STK32A: variants seen among roughly 807,000 people sequenced by gnomAD.
STK32A encodes the protein serine/threonine-protein kinase 32A.
In STK32A, 41 loss-of-function variants were observed where a neutral mutation model predicts 53.2. The ratio of observed to expected loss-of-function variants is 0.77; its 90% CI spans 0.60 to 1.00. STK32A has a LOEUF of 1.00. Among genes scored for constraint, STK32A ranks in the 50% least tolerant of loss-of-function variants. The probability of loss-of-function intolerance (pLI) is 0.00; values close to 1 mark genes in which losing one functional copy is unlikely to be tolerated. For missense variants in STK32A, 458 were observed against 485.8 expected (o/e 0.94, Z 0.54); for synonymous variants, 166 against 162.8 (o/e 1.02, Z -0.15).
At chr5:147,393,326 G>T in the STK32A span, 1 of 152,286 alleles carries the variant, frequency 6.6e-6, no homozygotes, top group Non-Finnish European at 1.5e-5. Context: ...CACTAAGAAA[G>T]AGGCCTGAGC....
intron 4 of STK32A, among the ~76,000 whole-genome samples, chr5:147,292,481 T>C (rs1446841828): frequency 2.6e-5 from 4 of 152,216 alleles, no homozygotes; most frequent in African/African-American, 9.7e-5. Flanking sequence ...TACTTAATTG[T>C]TGTAAGCTCT....
chr5:147,395,892 G>A, the STK32A span, among the ~76,000 whole-genome samples: 6 of 152,146 alleles, frequency 3.9e-5, 1 homozygote, highest in Admixed American at 6.5e-5. Context: ...AGGAGGATGT[G>A]ATGATAGAGT....
rs778055211 is a variant in STK32A, at chr5:147,324,079, A to G, written c.434+8A>G. 2.5e-6 allele frequency: 4 copies of G among 1,594,048 alleles called. No homozygotes were observed. In the South Asian group the frequency reaches 4.6e-5, roughly 18 times the overall value. Reference sequence around the variant, plus strand: ...CCAGCGCATCATTCACAGGTCAGTCAAGTCCAAGGAGATGGCCATGAACGT... The same window carrying G: ...CCAGCGCATCATTCACAGGTCAGTCGAGTCCAAGGAGATGGCCATGAACGT... On this transcript the variant is annotated splice_region_variant and intron_variant, in intron 5 of 12. Coordinates refer to ENST00000397936, the MANE Select transcript of STK32A (RefSeq NM_001112724.2).
At chr5:147,369,687 C>T (rs1756921596) in intron 8 of STK32A, among the ~76,000 whole-genome samples, 1 of 152,164 alleles carries the variant, frequency 6.6e-6, no homozygotes, top group African/African-American at 2.4e-5. Flanking sequence ...TTAGGTCATC[C>T]ATCAACAGTC....
At chr5:147,298,228 A>T (rs1031034253) in intron 4 of STK32A, among the ~76,000 whole-genome samples, 4 of 152,176 alleles carry the variant, frequency 2.6e-5, no homozygotes, top group Admixed American at 2.6e-4. Flanking sequence ...GAGCAGTTAG[A>T]GGTGAAAGAG....
At chr5:147,317,844 GACA>G (rs1754084024) in intron 4 of STK32A, among the ~76,000 whole-genome samples, 1 of 152,052 alleles carries the variant, frequency 6.6e-6, no homozygotes. Flanking sequence ...AGGATCTCAG[GACA>G]ACTACTAGCC....
At chr5:147,294,688 CT>C (rs143462769) in intron 4 of STK32A, among the ~76,000 whole-genome samples, 21,763 of 148,540 alleles carry the variant, frequency 0.15, 2,078 homozygotes, top group South Asian at 0.38. Flanking sequence ...TTTCTTTTTT[CT>C]TTTTTTCTTT....
chr5:147,364,213 CT>C (rs1756643704), intron 8 of STK32A, among the ~76,000 whole-genome samples: 1 of 114,510 alleles, frequency 8.7e-6, no homozygotes, highest in Admixed American at 9.2e-5. Context: ...GAAACTCCAT[CT>C]CAAAAAAAAA....
chr5:147,359,971 T>C (rs1047321035), intron 7 of STK32A, among the ~76,000 whole-genome samples: 2 of 152,288 alleles, frequency 1.3e-5, no homozygotes, highest in Admixed American at 6.5e-5. Flanking sequence ...CAGTTTCCTT[T>C]GCCCAGAGCC....
At chr5:147,338,254 T>C (rs967279709) in intron 5 of STK32A, among the ~76,000 whole-genome samples, 3 of 152,074 alleles carry the variant, frequency 2.0e-5, no homozygotes, top group Non-Finnish European at 4.4e-5. Flanking sequence ...TCTCATGAGA[T>C]ATGATGGTTT....
intron 4 of STK32A, among the ~76,000 whole-genome samples, chr5:147,313,655 G>A (rs1370262927): frequency 1.3e-5 from 2 of 152,130 alleles, no homozygotes; most frequent in Non-Finnish European, 2.9e-5. Context: ...AAAGTTGGAG[G>A]GCTCATACTT....
chr5:147,387,060 C>T lies in STK32A; in HGVS notation c.*3077C>T, dbSNP rs1401686706. On this transcript the variant is annotated 3_prime_UTR_variant, in exon 13 of 13. Coordinates refer to ENST00000397936, the MANE Select transcript of STK32A (RefSeq NM_001112724.2). ...GCCTGGTATTCTTGAATGTTTTTCT[C>T]CCAGTGCTTCCCTTGCCTGTATGGA... is the stretch of plus-strand genomic sequence containing the variant. The T allele has an allele frequency of 6.6e-6, 1 of 152,202 alleles. No individual in the cohort carries two copies. Among genetic ancestry groups the T allele is most frequent in the Non-Finnish European group, 1.5e-5 (1 of 68,054 alleles). The allele number at this position is 152,202 out of a possible 1,614,324, so 9.4% of individuals were successfully genotyped here. A position where few individuals can be genotyped will look rare whatever the true frequency, so the allele number is the denominator to read the frequency against.
chr5:147,369,776 G>T (rs937112417), intron 8 of STK32A, among the ~76,000 whole-genome samples: 1 of 152,060 alleles, frequency 6.6e-6, no homozygotes, highest in East Asian at 1.9e-4. Flanking sequence ...CTAGTTAATC[G>T]AATATGGAAA....
chr5:147,401,914 G>A, the STK32A span: 2 of 447,432 alleles, frequency 4.5e-6, no homozygotes, highest in Admixed American at 9.0e-5. Flanking sequence ...GCCATTGGTT[G>A]TTAGATGCAG....
At chr5:147,239,213 A>G (rs564054300) in intron 1 of STK32A, among the ~76,000 whole-genome samples, 17 of 152,256 alleles carry the variant, frequency 1.1e-4, no homozygotes, top group African/African-American at 2.7e-4. Context: ...ACAACAAGAC[A>G]GTATAAAATC....
At chr5:147,240,338 C>T (rs1753516696) in intron 2 of STK32A, among the ~76,000 whole-genome samples, 1 of 152,140 alleles carries the variant, frequency 6.6e-6, no homozygotes, top group African/African-American at 2.4e-5. Context: ...ATGCAGGTGG[C>T]AGCTGTTTAT....
At chr5:147,377,915 C>T (rs17549485) in intron 11 of STK32A, among the ~76,000 whole-genome samples, 3,666 of 152,102 alleles carry the variant, frequency 0.024, 69 homozygotes, top group South Asian at 0.041. Context: ...TTCTTCTAAT[C>T]TTGTACCCCA....
At chr5:147,322,360 C>A (rs1434564436) in intron 4 of STK32A, among the ~76,000 whole-genome samples, 1 of 152,174 alleles carries the variant, frequency 6.6e-6, no homozygotes, top group Non-Finnish European at 1.5e-5. Context: ...ATTTATTGAA[C>A]TATCAGGTGC....
intron 11 of STK32A, among the ~76,000 whole-genome samples, chr5:147,376,993 G>T (rs1757258470): frequency 6.6e-6 from 1 of 152,106 alleles, no homozygotes; most frequent in African/African-American, 2.4e-5. Flanking sequence ...GAATATAGAT[G>T]CAAAAATCCT....
Sources: gnomAD v4.1 joint callset for allele counts (sites outside exome capture counted in the v4.1 genomes callset) on GRCh38, gnomAD v4.1.1 for gene constraint, MANE v1.5 for transcripts, NCBI Gene and HGNC (gene_info 2026-07-23, HGNC 2026-07-21) for gene names.